The following ACSM3 variants were observed in gnomAD, a reference collection of about 807,000 sequenced individuals.
ACSM3 encodes the protein acyl-coenzyme A synthetase ACSM3, mitochondrial.
In ACSM3, 61 loss-of-function variants were observed where a neutral mutation model predicts 74.1. The ratio of observed to expected loss-of-function variants is 0.82; its 90% CI spans 0.67 to 1.02. The LOEUF (loss-of-function observed/expected upper bound fraction) is 1.02. Among genes scored for constraint, ACSM3 ranks in the 50% least tolerant of loss-of-function variants. The pLI, the probability that ACSM3 is intolerant of heterozygous loss-of-function variation, is 0.00. For missense variants in ACSM3, 660 were observed against 697.0 expected, an observed-to-expected ratio of 0.95 and a Z score of 0.60; for synonymous variants, 213 against 241.5, an observed-to-expected ratio of 0.88 and a Z score of 1.09.
chr16:20,725,945 G>C (rs1392463387), intron 1 of ACSM3, among the ~76,000 whole-genome samples: 1 of 151,978 alleles, frequency 6.6e-6, no homozygotes, highest in African/African-American at 2.4e-5. Context: ...TGCACTTCCA[G>C]CCTGGGCAAC....
At chr16:20,784,900 A>G (rs2080437192) in intron 7 of ACSM3, 84 bp from the exon 8 acceptor site, 2 of 1,466,448 alleles carry the variant, frequency 1.4e-6, no homozygotes, top group Non-Finnish European at 1.8e-6. Context: ...AACATTTTAT[A>G]TTGAAGTTCA....
intron 1 of ACSM3, among the ~76,000 whole-genome samples, chr16:20,683,725 C>CTTTCTTTT (rs2079495603): frequency 7.3e-6 from 1 of 136,378 alleles, no homozygotes; most frequent in Non-Finnish European, 1.6e-5. Context: ...CTCTTTCTTT[C>CTTTCTTTT]TTTCTTTCTT....
At chr16:20,697,895 TAGAA>T (rs1179250256) in intron 1 of ACSM3, 1 of 152,086 alleles carries the variant, frequency 6.6e-6, no homozygotes, top group Non-Finnish European at 1.5e-5. Flanking sequence ...GATAATCACT[TAGAA>T]AACAAACCAT....
chr16:20,770,530 TA>T (rs60395380), intron 2 of ACSM3, among the ~76,000 whole-genome samples: 11,326 of 142,712 alleles, frequency 0.079, 533 homozygotes, highest in East Asian at 0.22. Flanking sequence ...TAGGTTGACT[TA>T]AAAAAAAAAA....
At chr16:20,695,909 C>G (rs1001786477) in intron 1 of ACSM3, among the ~76,000 whole-genome samples, 2 of 152,128 alleles carry the variant, frequency 1.3e-5, no homozygotes, top group African/African-American at 4.8e-5. Context: ...ATAACAATAA[C>G]ACATGTACAC....
At chr16:20,732,941 T>C (rs758092214) in intron 1 of ACSM3, 6 of 162,236 alleles carry the variant, frequency 3.7e-5, no homozygotes, top group Admixed American at 1.3e-4. Flanking sequence ...AAGACAATCA[T>C]TGGGAGAATC....
intron 1 of ACSM3, among the ~76,000 whole-genome samples, chr16:20,687,108 A>C (rs2079567723): frequency 1.3e-5 from 2 of 151,748 alleles, no homozygotes; most frequent in Admixed American, 6.6e-5. Flanking sequence ...ACTTGTTTAC[A>C]ATGTTCTGGC....
At chr16:20,713,218 A>G (rs1207081974) in intron 1 of ACSM3, among the ~76,000 whole-genome samples, 4 of 152,156 alleles carry the variant, frequency 2.6e-5, no homozygotes, top group African/African-American at 9.7e-5. Flanking sequence ...ATAAAACATG[A>G]AATTCTTAGC....
intron 3 of ACSM3, among the ~76,000 whole-genome samples, chr16:20,758,377 C>T (rs557460264): frequency 2.8e-4 from 42 of 152,280 alleles, no homozygotes; most frequent in Non-Finnish European, 5.0e-4. Flanking sequence ...GTGTATGTGT[C>T]GAGGAATTTC....
At chr16:20,714,987 T>C (rs1437727860) in intron 1 of ACSM3, among the ~76,000 whole-genome samples, 2 of 134,552 alleles carry the variant, frequency 1.5e-5, no homozygotes, top group Non-Finnish European at 1.7e-5. Context: ...GACAGATGGA[T>C]AGACGAAAGA....
At chr16:20,705,758 A>G (rs1296505583) in intron 1 of ACSM3, among the ~76,000 whole-genome samples, 1 of 152,202 alleles carries the variant, frequency 6.6e-6, no homozygotes, top group Non-Finnish European at 1.5e-5. Flanking sequence ...AACATCAATG[A>G]AGAAAACTAA....
chr16:20,703,165 G>T (rs1303497120), intron 1 of ACSM3: 1 of 152,146 alleles, frequency 6.6e-6, no homozygotes, highest in Non-Finnish European at 1.5e-5. Context: ...CTGTTCCATT[G>T]GTCCATATAT....
At chr16:20,768,690 A>G (rs2080155680) in intron 1 of ACSM3, among the ~76,000 whole-genome samples, 1 of 152,154 alleles carries the variant, frequency 6.6e-6, no homozygotes, top group Non-Finnish European at 1.5e-5. Flanking sequence ...TGGACTGCAA[A>G]CCACTGCTCT....
intron 1 of ACSM3, chr16:20,737,990 C>A: frequency 1.3e-6 from 2 of 1,556,778 alleles, no homozygotes. Flanking sequence ...AAGATAATTT[C>A]TCAGACATCT....
At chr16:20,737,836 A>G (rs367967287) in intron 1 of ACSM3, 16 of 1,613,930 alleles carry the variant, frequency 9.9e-6, no homozygotes, top group East Asian at 2.2e-5. Flanking sequence ...ATATTTTTTC[A>G]TATCTTCTAA....
rs1035739164 is a variant in ACSM3 at position 20,721,968 on chromosome 16, T to C, written c.-189-27942T>C. 5 of 152,242 alleles carry C rather than the reference T, an allele frequency of 3.3e-5. No individual in the cohort carries two copies. The East Asian group carries it at 9.6e-4, about 29-fold the overall frequency. The allele number at this position is 152,242 out of a possible 1,614,324, so 9.4% of individuals were successfully genotyped here. A position where few individuals can be genotyped will look rare whatever the true frequency, so the allele number is the denominator to read the frequency against. On this transcript the variant is annotated intron_variant, in intron 1 of 3. Coordinates refer to the ACSM3 transcript ENST00000561584. ...ATTGATGTTACGGTCTGAGTTTATA[T>C]GTCATATTGAGAATTCTATAATAGA...
At chr16:20,755,166 T>G (rs1024639095) in intron 2 of ACSM3, among the ~76,000 whole-genome samples, 2 of 152,280 alleles carry the variant, frequency 1.3e-5, no homozygotes, top group Admixed American at 6.5e-5. Flanking sequence ...TGGTGCCCCT[T>G]CCCTGTCCCC....
chr16:20,743,476 A>G (rs1376118714), intron 1 of ACSM3, among the ~76,000 whole-genome samples: 1 of 152,184 alleles, frequency 6.6e-6, no homozygotes, highest in Admixed American at 6.5e-5. Context: ...CTTTTGAAGA[A>G]TGTGTTTAAA....
chr16:20,792,314 C>T lies in ACSM3; in HGVS notation c.1533C>T (p.Ser511=), dbSNP rs2080620153. Residue 511 remains serine, a synonymous_variant, in exon 12 of 14, where the codon AGC becomes AGT. Coordinates refer to ENST00000289416, the MANE Select transcript of ACSM3 (RefSeq NM_005622.4). The part of the protein sequence containing the change: ...PSVAESAVVS[S]PDPIRGEVVK... The stretch of plus-strand genomic sequence containing the variant: ...TTGCAGAGTCAGCTGTTGTCAGCAG[C>T]CCAGACCCCATCAGAGGAGAGGTAA... 1 of 1,613,988 alleles carries T rather than the reference C, an allele frequency of 6.2e-7. No homozygotes were observed. Among genetic ancestry groups the T allele is most frequent in the Non-Finnish European group, 8.5e-7 (1 of 1,179,896 alleles).
Sources: gnomAD v4.1 joint callset for allele counts (sites outside exome capture counted in the v4.1 genomes callset) on GRCh38, gnomAD v4.1.1 for gene constraint, MANE v1.5 for transcripts, NCBI Gene and HGNC (gene_info 2026-07-23, HGNC 2026-07-21) for gene names.